The following RPTOR variants were observed in gnomAD, a reference collection of about 807,000 sequenced individuals.
RPTOR encodes the protein regulatory associated protein of MTOR complex 1, also known as regulatory-associated protein of mTOR.
Under a neutral mutation model 169.9 loss-of-function variants are expected in RPTOR, and 21 were observed. The ratio of observed to expected loss-of-function variants is 0.12; its 90% confidence interval spans 0.09 to 0.18. The LOEUF (loss-of-function observed/expected upper bound fraction) is 0.18. Among genes scored for constraint, RPTOR ranks in the 10% least tolerant of loss-of-function variants. The pLI is 1.00. For synonymous variants in RPTOR, 732 were observed against 753.2 expected, an observed-to-expected ratio of 0.97 and a Z score of 0.46; for missense variants, 1,133 against 1,855.9, an observed-to-expected ratio of 0.61 and a Z score of 7.16.
chr17:80,764,198 G>T (rs1338730672), intron 6 of RPTOR, among the ~76,000 whole-genome samples: 5 of 142,336 alleles, frequency 3.5e-5, no homozygotes, highest in African/African-American at 2.6e-5. Flanking sequence ...TAAGTTTTAG[G>T]GTACATGTGC....
intron 1 of RPTOR, among the ~76,000 whole-genome samples, chr17:80,567,540 C>T (rs1348102143): frequency 1.3e-5 from 2 of 151,774 alleles, no homozygotes; most frequent in Non-Finnish European, 2.9e-5. Context: ...GCCTGTAATC[C>T]CAGCACTTTG....
chr17:80,832,711 G>A lies in RPTOR; in HGVS notation c.1137-5211G>A, dbSNP rs528250505. On this transcript the variant is annotated intron_variant, in intron 9 of 33. Coordinates refer to ENST00000306801, the MANE Select transcript of RPTOR (RefSeq NM_020761.3). ...GCATCACCGGGGGCTCTGCAGGGCT[G>A]TCTGCCACGAAAACAATGCCCAGAG... Among the ~76,000 whole-genome samples the A allele has an allele frequency of 1.0e-3, 154 of 152,310 alleles. 1 individual carries two copies. The highest frequency in any genetic ancestry group is 3.1e-3 in the African/African-American group (130 of 41,568).
chr17:80,929,579 G>T (rs1446188441), intron 24 of RPTOR, among the ~76,000 whole-genome samples: 1 of 152,232 alleles, frequency 6.6e-6, no homozygotes, highest in Admixed American at 6.5e-5. Context: ...TTTCCGTTTG[G>T]CGGCTCCGCA....
rs746920373 is a variant in RPTOR, at chr17:80,857,757, C to T, written c.1399-33C>T. On this transcript the variant is annotated intron_variant, in intron 12 of 33. Transcript: ENST00000306801. ...GCTGCTGCCCGTTCCCTTGCTGCGG[C>T]ACAGGTGCGCTGACGCCCTCCCTCG... 9 of 1,528,498 alleles carry T rather than the reference C, an allele frequency of 5.9e-6. No individual in the cohort carries two copies. In the East Asian group the frequency reaches 1.1e-4, roughly 19 times the overall value. The allele number at this position is 1,528,498 out of a possible 1,614,324, so 94.7% of individuals were successfully genotyped here.
chr17:80,911,949 C>T (rs562485204), intron 21 of RPTOR, among the ~76,000 whole-genome samples: 4 of 152,304 alleles, frequency 2.6e-5, no homozygotes, highest in Non-Finnish European at 4.4e-5. Flanking sequence ...CCAGAGCAAC[C>T]GGTCCCGAGG....
At chr17:80,928,619 A>G (rs1273628404) in intron 24 of RPTOR, among the ~76,000 whole-genome samples, 1 of 152,236 alleles carries the variant, frequency 6.6e-6, no homozygotes, top group African/African-American at 2.4e-5. Context: ...ACAGGTCCGT[A>G]TGACTAGAAA....
At chr17:80,598,882 T>TTCTTTCTTTCTATCTATCTA (rs752610583) in intron 1 of RPTOR, among the ~76,000 whole-genome samples, 2 of 146,758 alleles carry the variant, frequency 1.4e-5, no homozygotes, top group Non-Finnish European at 3.0e-5. Flanking sequence ...TCTTGATTCT[T>TTCTTTCTTTCTATCTATCTA]TCTATCTATC....
intron 20 of RPTOR, among the ~76,000 whole-genome samples, chr17:80,896,503 G>A (rs1361833281): frequency 8.8e-4 from 35 of 39,878 alleles, no homozygotes; most frequent in Non-Finnish European, 1.4e-3. Flanking sequence ...CACACCCCAC[G>A]GCCGCACCGA....
chr17:80,928,461 T>C (rs2068838239), intron 24 of RPTOR, among the ~76,000 whole-genome samples: 1 of 152,186 alleles, frequency 6.6e-6, no homozygotes, highest in Non-Finnish European at 1.5e-5. Context: ...CTTCAAGGTA[T>C]ATAAGAAACT....
chr17:80,724,668 C>A (rs973858171), intron 4 of RPTOR, among the ~76,000 whole-genome samples: 3 of 152,188 alleles, frequency 2.0e-5, no homozygotes, highest in Admixed American at 2.0e-4. Flanking sequence ...ACCTGCTCAG[C>A]CTGTGGTGGG....
At chr17:80,951,873 C>G (rs1238448993) in intron 28 of RPTOR, among the ~76,000 whole-genome samples, 1 of 152,208 alleles carries the variant, frequency 6.6e-6, no homozygotes, top group Non-Finnish European at 1.5e-5. Context: ...GTGCTGGAGA[C>G]AGGGCCTTTA....
At chr17:80,841,493 T>A (rs1405103116) in intron 10 of RPTOR, among the ~76,000 whole-genome samples, 2 of 99,976 alleles carry the variant, frequency 2.0e-5, no homozygotes, top group Admixed American at 1.0e-4. Context: ...GGCAGCTCAC[T>A]CTCACCACAC....
chr17:80,894,943 G>A (rs999898517), intron 20 of RPTOR, among the ~76,000 whole-genome samples: 1 of 152,378 alleles, frequency 6.6e-6, no homozygotes, highest in African/African-American at 2.4e-5. Flanking sequence ...GTCGCACGAT[G>A]CGTGGCCCGC....
At chr17:80,877,802 G>A (rs1281800277) in intron 13 of RPTOR, among the ~76,000 whole-genome samples, 4 of 152,176 alleles carry the variant, frequency 2.6e-5, no homozygotes, top group South Asian at 2.1e-4. Flanking sequence ...TCCTCAGCTC[G>A]GGGGAGCAGC....
At chr17:80,841,745 C>T (rs868586566) in intron 10 of RPTOR, among the ~76,000 whole-genome samples, 1 of 55,248 alleles carries the variant, frequency 1.8e-5, no homozygotes, top group Non-Finnish European at 3.4e-5. Context: ...GCTCACTCTC[C>T]CCGCACGGCA....
chr17:80,668,606 C>T (rs1424691292), intron 3 of RPTOR, among the ~76,000 whole-genome samples: 1 of 152,264 alleles, frequency 6.6e-6, no homozygotes, highest in Non-Finnish European at 1.5e-5. Flanking sequence ...CACGCCTCAG[C>T]AGTTCTCAGC....
chr17:80,717,641 C>T (rs528012182), intron 4 of RPTOR, among the ~76,000 whole-genome samples: 192 of 152,044 alleles, frequency 1.3e-3, no homozygotes, highest in African/African-American at 4.5e-3. Flanking sequence ...TCCATCAAAA[C>T]GAAGCCTGCA....
chr17:80,942,880 G>A (rs2069050942), intron 25 of RPTOR, among the ~76,000 whole-genome samples: 1 of 152,210 alleles, frequency 6.6e-6, no homozygotes, highest in African/African-American at 2.4e-5. Context: ...GTTTCCCTTT[G>A]TCCTTCAGTG....
chr17:80,605,200 A>C (rs1294252435), intron 1 of RPTOR, among the ~76,000 whole-genome samples: 6 of 152,086 alleles, frequency 3.9e-5, no homozygotes, highest in African/African-American at 1.4e-4. Flanking sequence ...TCTCAAAGTT[A>C]AGTTTTCAGC....
Sources: gnomAD v4.1 joint callset for allele counts (sites outside exome capture counted in the v4.1 genomes callset) on GRCh38, gnomAD v4.1.1 for gene constraint, MANE v1.5 for transcripts, NCBI Gene and HGNC (gene_info 2026-07-23, HGNC 2026-07-21) for gene names.